Variants in NPAS2 observed in about 807,000 individuals in gnomAD.
NPAS2 encodes the protein neuronal PAS domain-containing protein 2.
NPAS2 carries 23 observed loss-of-function variants against 107.5 expected under a neutral mutation model. The ratio of observed to expected loss-of-function variants is 0.21; its 90% CI spans 0.15 to 0.30. The LOEUF is 0.30. NPAS2 is among the 10% of genes least tolerant of loss of function. NPAS2 has a pLI of 1.00. For missense variants in NPAS2, 756 were observed against 1,043.3 expected (o/e 0.72, Z 3.79); for synonymous variants, 403 against 417.5 (o/e 0.97, Z 0.42).
chr2:100,837,678 C>G (rs1677152466), intron 1 of NPAS2, among the ~76,000 whole-genome samples: 1 of 152,162 alleles, frequency 6.6e-6, no homozygotes, highest in South Asian at 2.1e-4. Context: ...TGATAACTAC[C>G]TGGAAAATAC....
chr2:100,898,754 T>G (rs1367047824), intron 1 of NPAS2, among the ~76,000 whole-genome samples: 1 of 148,638 alleles, frequency 6.7e-6, no homozygotes, highest in Non-Finnish European at 1.5e-5. Context: ...AATAATTGGA[T>G]CTACCACTTT....
At chr2:100,830,017 A>C (rs1676629009) in intron 1 of NPAS2, among the ~76,000 whole-genome samples, 1 of 152,204 alleles carries the variant, frequency 6.6e-6, no homozygotes, top group African/African-American at 2.4e-5. Flanking sequence ...CAGACCACAC[A>C]AGAAAAAGAT....
chr2:100,945,486 C>G (rs1245084744), intron 5 of NPAS2, among the ~76,000 whole-genome samples: 2 of 152,208 alleles, frequency 1.3e-5, no homozygotes, highest in Non-Finnish European at 2.9e-5. Context: ...TTCCAGTGCT[C>G]TCTCCTTCCA....
At position 100,932,038 on chromosome 2, in the gene NPAS2, C is replaced by T. The variant is rs146893985; in HGVS notation, c.182-872C>T. 4.6e-5 allele frequency among the ~76,000 whole-genome samples: 7 copies of T among 152,294 alleles called. No individual in the cohort carries two copies. The East Asian group carries it at 1.4e-3, about 29-fold the overall frequency. ...CTGAGCTATGAGTCTTATGTTCTTA[C>T]ATTTTTCCTAGCACCAAGGAAATAA... is the stretch of plus-strand genomic sequence containing the variant. On this transcript the variant is annotated intron_variant, in intron 3 of 20. Transcript: ENST00000335681.
intron 1 of NPAS2, among the ~76,000 whole-genome samples, chr2:100,895,766 G>A (rs1376997551): frequency 2.0e-5 from 3 of 152,176 alleles, no homozygotes; most frequent in African/African-American, 7.2e-5. Context: ...AGTCCCTAGG[G>A]GTGGGGCAGA....
chr2:100,854,165 A>C, intron 1 of NPAS2, among the ~76,000 whole-genome samples: 3 of 150,276 alleles, frequency 2.0e-5, no homozygotes, highest in Non-Finnish European at 3.0e-5. Context: ...CAACAAAAAA[A>C]AAAAAAAAAA....
chr2:100,860,232 A>T (rs1678853446), intron 1 of NPAS2, among the ~76,000 whole-genome samples: 1 of 152,192 alleles, frequency 6.6e-6, no homozygotes, highest in African/African-American at 2.4e-5. Context: ...CATTTCCTTC[A>T]TAGAATGACC....
intron 1 of NPAS2, among the ~76,000 whole-genome samples, chr2:100,864,059 A>G (rs1282967527): frequency 6.6e-6 from 1 of 152,224 alleles, no homozygotes; most frequent in East Asian, 1.9e-4. Flanking sequence ...GATGTCATGA[A>G]GATGGGATGT....
intron 1 of NPAS2, among the ~76,000 whole-genome samples, chr2:100,856,806 AAG>A (rs1359272671): frequency 6.6e-6 from 1 of 152,126 alleles, no homozygotes; most frequent in African/African-American, 2.4e-5. Context: ...CAAACATGAA[AAG>A]AGAGAGGTGT....
chr2:100,854,837 C>A (rs1162112669), intron 1 of NPAS2, among the ~76,000 whole-genome samples: 1 of 152,204 alleles, frequency 6.6e-6, no homozygotes, highest in African/African-American at 2.4e-5. Flanking sequence ...GTGCATTCAC[C>A]TGTCTCTACA....
At chr2:100,942,048 G>C (rs935142202) in intron 5 of NPAS2, among the ~76,000 whole-genome samples, 2 of 152,230 alleles carry the variant, frequency 1.3e-5, no homozygotes, top group African/African-American at 2.4e-5. Flanking sequence ...TGGCACGGGT[G>C]GGGAGTGCCT....
At chr2:100,944,824 T>C (rs1056099372) in intron 5 of NPAS2, among the ~76,000 whole-genome samples, 1 of 152,100 alleles carries the variant, frequency 6.6e-6, no homozygotes. Flanking sequence ...CGTGTCCTGA[T>C]ATTGGCCCTC....
intron 1 of NPAS2, among the ~76,000 whole-genome samples, chr2:100,845,544 G>A (rs1270688828): frequency 6.6e-6 from 1 of 152,228 alleles, no homozygotes; most frequent in Non-Finnish European, 1.5e-5. Context: ...CTGACTACAT[G>A]CACTCAGGCA....
chr2:100,952,021 G>A lies in NPAS2; in HGVS notation c.598+2541G>A, dbSNP rs985840470. Among the ~76,000 whole-genome samples the A allele has an allele frequency of 1.5e-4, 23 of 151,788 alleles. 1 individual carries two copies. The South Asian group carries it at 3.5e-3, about 23-fold the overall frequency. ...AAAATTAGCTGGGCGTGGTGGTGGC[G>A]GGCGCCTGTAGTCCCAGCTACTAGG... On this transcript the variant is annotated intron_variant, in intron 7 of 20. Transcript: ENST00000335681.
chr2:100,919,387 CA>C (rs1226561960), intron 2 of NPAS2, among the ~76,000 whole-genome samples: 1 of 152,084 alleles, frequency 6.6e-6, no homozygotes, highest in Non-Finnish European at 1.5e-5. Context: ...AAAACAAAAA[CA>C]AAAACAAAAA....
intron 1 of NPAS2, among the ~76,000 whole-genome samples, chr2:100,859,659 G>A (rs1386965203): frequency 6.6e-6 from 1 of 152,168 alleles, no homozygotes; most frequent in Non-Finnish European, 1.5e-5. Flanking sequence ...CTTGGGTGGA[G>A]AGGATGGGAA....
intron 1 of NPAS2, among the ~76,000 whole-genome samples, chr2:100,846,025 G>A (rs768414519): frequency 1.8e-4 from 27 of 152,200 alleles, no homozygotes; most frequent in Non-Finnish European, 3.4e-4. Flanking sequence ...CCCTGGGTGC[G>A]GTGTCAGGCC....
intron 2 of NPAS2, among the ~76,000 whole-genome samples, chr2:100,907,390 G>A (rs952691306): frequency 2.0e-5 from 3 of 151,704 alleles, no homozygotes; most frequent in African/African-American, 7.3e-5. Context: ...TGAGGCTGGG[G>A]CCCACACTCC....
Position 100,949,363 on chromosome 2 carries a change from C to G in NPAS2, c.485-4C>G, listed in dbSNP as rs745636877. The G allele has an allele frequency of 1.3e-6, 2 of 1,588,504 alleles. No homozygotes were observed. The highest frequency in any genetic ancestry group is 2.2e-5 in the South Asian group (2 of 90,596). Reference sequence around the variant, plus strand: ...TCTCTCCTCTTCTTCCTTTAACGGCCCAGCTGACAGCGATTTAGAGTTTTA... The same window carrying G: ...TCTCTCCTCTTCTTCCTTTAACGGCGCAGCTGACAGCGATTTAGAGTTTTA... On this transcript the variant is annotated splice_polypyrimidine_tract_variant and splice_region_variant and intron_variant, in intron 6 of 20. Coordinates refer to ENST00000335681, the MANE Select transcript of NPAS2 (RefSeq NM_002518.4).
Sources: allele counts gnomAD v4.1 joint callset (sites outside exome capture counted in the v4.1 genomes callset), GRCh38; gene constraint gnomAD v4.1.1; transcripts MANE v1.5; gene names NCBI Gene and HGNC (gene_info 2026-07-23, HGNC 2026-07-21).